Variants in NRG2 observed in about 807,000 individuals in gnomAD.
NRG2 encodes the protein pro-neuregulin-2, membrane-bound isoform.
A neutral mutation model predicts 73.9 loss-of-function variants in NRG2; 27 were observed. That is an observed-to-expected ratio of 0.37 (90% confidence interval 0.27 to 0.50). The LOEUF is 0.50. Ranked by LOEUF, NRG2 falls within the 20% of genes least tolerant of loss-of-function variation. The pLI is 0.96. For synonymous variants in NRG2, 532 were observed against 541.0 expected, an observed-to-expected ratio of 0.98 and a Z score of 0.23; for missense variants, 1,126 against 1,210.1, an observed-to-expected ratio of 0.93 and a Z score of 1.03.
At chr5:140,017,686 T>G (rs900181801) in intron 1 of NRG2, among the ~76,000 whole-genome samples, 1 of 152,070 alleles carries the variant, frequency 6.6e-6, no homozygotes, top group Non-Finnish European at 1.5e-5. Context: ...AGCAGACAAA[T>G]GCATATGAGA....
chr5:140,021,693 A>G (rs1760240890), intron 1 of NRG2, among the ~76,000 whole-genome samples: 1 of 152,246 alleles, frequency 6.6e-6, no homozygotes, highest in African/African-American at 2.4e-5. Context: ...AACAAGGACA[A>G]TGAGAACTTG....
At chr5:139,973,143 A>C (rs1009036728) in intron 1 of NRG2, among the ~76,000 whole-genome samples, 2 of 140,244 alleles carry the variant, frequency 1.4e-5, no homozygotes, top group Admixed American at 1.4e-4. Context: ...CATCCTAAAG[A>C]AGTAAGAATA....
At chr5:139,867,362 G>T (rs1373610273) in intron 4 of NRG2, among the ~76,000 whole-genome samples, 1 of 152,016 alleles carries the variant, frequency 6.6e-6, no homozygotes, top group Admixed American at 6.5e-5. Context: ...GGGCTGGGAA[G>T]TGTATCAGGG....
intron 1 of NRG2, among the ~76,000 whole-genome samples, chr5:139,998,291 C>G (rs1443720901): frequency 6.6e-6 from 1 of 152,142 alleles, no homozygotes; most frequent in Non-Finnish European, 1.5e-5. Context: ...AAGAGCAGGT[C>G]AGAATATTGT....
chr5:139,879,974 G>T lies in NRG2; in HGVS notation c.991+882C>A, dbSNP rs571090530. On this transcript the variant is annotated intron_variant, in intron 3 of 9. Transcript: ENST00000361474. ...CAAGTAGTCTTTTAGACCATGCTAG[G>T]TTTAGGGCATATTGGGAGGCTGTCT... Among the ~76,000 whole-genome samples the T allele has an allele frequency of 3.3e-5, 5 of 152,270 alleles. No individual in the cohort carries two copies. In the East Asian group the frequency reaches 9.7e-4, roughly 29 times the overall value.
chr5:139,907,109 GGT>G lies in NRG2; in HGVS notation c.701-19600_701-19599del, dbSNP rs1425159163. Among the ~76,000 whole-genome samples, 14 of 152,142 alleles carry G rather than the reference GGT, an allele frequency of 9.2e-5. 3 individuals carry two copies. Among genetic ancestry groups the G allele is most frequent in the African/African-American group, 3.1e-4 (13 of 41,508 alleles). ...CATATGAGTGTATGCCTGTGTCTAAGGTGTGTGTGTGTACACGTGGGGTTTGT... is the reference window on the plus strand; with the variant it reads ...CATATGAGTGTATGCCTGTGTCTAAGGTGTGTGTGTACACGTGGGGTTTGT... On this transcript the variant is annotated intron_variant, in intron 1 of 9. Transcript: ENST00000361474.
intron 1 of NRG2, among the ~76,000 whole-genome samples, chr5:140,004,767 G>A (rs1342404661): frequency 6.6e-6 from 1 of 152,126 alleles, no homozygotes; most frequent in Non-Finnish European, 1.5e-5. Context: ...GGAACAGAAA[G>A]GACACAAATA....
chr5:139,982,799 G>C (rs1006867083), intron 1 of NRG2, among the ~76,000 whole-genome samples: 1 of 152,178 alleles, frequency 6.6e-6, no homozygotes, highest in African/African-American at 2.4e-5. Flanking sequence ...CAGATCTTTT[G>C]TGTCGTACTC....
chr5:140,034,181 C>T (rs1308055886), intron 1 of NRG2, among the ~76,000 whole-genome samples: 1 of 152,108 alleles, frequency 6.6e-6, no homozygotes, highest in African/African-American at 2.4e-5. Context: ...AGGATGGTCT[C>T]GATCTCCTGA....
chr5:139,892,545 A>G (rs1033999159), intron 1 of NRG2, among the ~76,000 whole-genome samples: 1 of 152,068 alleles, frequency 6.6e-6, no homozygotes, highest in African/African-American at 2.4e-5. Flanking sequence ...ACTGGGCTAG[A>G]TCGGCCCCTC....
rs1761545511 is a variant in NRG2, at chr5:139,852,845, C to A, written c.1416+59G>T. ...TGCCCTGGCCCATCCTTGCAGGGGG[C>A]ATGAGAAGGCTGGCTGTCCACTGAG... is the stretch of plus-strand genomic sequence containing the variant. On this transcript the variant is annotated intron_variant, in intron 7 of 9. Transcript: ENST00000361474. This position sits in a 1 kb window ranked among gnomAD's most constrained non-coding sequence, Gnocchi z 4.4. 1 of 1,606,430 alleles carries A rather than the reference C, an allele frequency of 6.2e-7. No individual in the cohort carries two copies. The highest frequency in any genetic ancestry group is 8.5e-7 in the Non-Finnish European group (1 of 1,178,118).
chr5:139,869,839 C>T lies in NRG2; in HGVS notation c.1112+1882G>A, dbSNP rs1288229579. 6.6e-6 allele frequency: 1 copy of T among 152,448 alleles called. No homozygotes were observed. Among genetic ancestry groups the T allele is most frequent in the Non-Finnish European group, 1.5e-5 (1 of 68,230 alleles). The allele number at this position is 152,448 out of a possible 1,614,324, so 9.4% of individuals were successfully genotyped here. A position where few individuals can be genotyped will look rare whatever the true frequency, so the allele number is the denominator to read the frequency against. ...GGGGTGCAACCTTGCTGGCAGGGCCCTCCTGGAGCCCACATATCTCACCAC... is the reference window on the plus strand; with the variant it reads ...GGGGTGCAACCTTGCTGGCAGGGCCTTCCTGGAGCCCACATATCTCACCAC... On this transcript the variant is annotated intron_variant, in intron 4 of 9. Transcript: ENST00000361474. This position sits in a 1 kb window ranked among gnomAD's most constrained non-coding sequence, Gnocchi z 4.5.
At chr5:139,871,626 T>C in intron 4 of NRG2, 95 bp downstream of exon 4, 1 of 1,525,438 alleles carries the variant, frequency 6.6e-7, no homozygotes, top group Middle Eastern at 1.9e-4. Flanking sequence ...CTCTTGTCAG[T>C]GGCTTGGAAC....
chr5:139,886,928 T>C lies in NRG2; in HGVS notation c.872+412A>G, dbSNP rs542702801. Among the ~76,000 whole-genome samples the C allele has an allele frequency of 1.6e-4, 25 of 152,298 alleles. No homozygotes were observed. In the South Asian group the frequency reaches 5.2e-3, roughly 32 times the overall value. On this transcript the variant is annotated intron_variant, in intron 2 of 9. Transcript: ENST00000361474. ...CTTGCTAAGCTGAGAAACCAGCCCA[T>C]CATGTGTGACCTCCCAGAGGCATTC...
chr5:139,934,213 A>G (rs958798672), intron 1 of NRG2, among the ~76,000 whole-genome samples: 3 of 152,246 alleles, frequency 2.0e-5, no homozygotes, highest in Non-Finnish European at 4.4e-5. Flanking sequence ...AATAATTAAA[A>G]GAAAACATTT....
At chr5:140,037,764 C>T (rs751297185) in intron 1 of NRG2, among the ~76,000 whole-genome samples, 13 of 151,932 alleles carry the variant, frequency 8.6e-5, no homozygotes, top group Non-Finnish European at 1.6e-4. Flanking sequence ...AAAAATTAAT[C>T]GGGCGCGGTG....
rs1273968313 is a variant in NRG2, at chr5:139,865,641, G to C, written c.1113-16C>G. ...ATTTGGACATCTGGAGAAGGAAAAG[G>C]GGAAAAATCACAGAACAAACTGGCA... On this transcript the variant is annotated splice_polypyrimidine_tract_variant and intron_variant, in intron 4 of 9. Transcript: ENST00000361474. The surrounding 1 kb of genome is among the most constrained non-coding windows in gnomAD (Gnocchi z 5.2). 1.3e-6 allele frequency: 2 copies of C among 1,599,034 alleles called. No individual in the cohort carries two copies. The highest frequency in any genetic ancestry group is 4.5e-5 in the East Asian group (2 of 44,774).
At chr5:139,970,970 T>G (rs1755924348) in intron 1 of NRG2, among the ~76,000 whole-genome samples, 1 of 152,148 alleles carries the variant, frequency 6.6e-6, no homozygotes, top group Non-Finnish European at 1.5e-5. Flanking sequence ...TTTTTCCCCT[T>G]GAGCTTTGAA....
intron 1 of NRG2, among the ~76,000 whole-genome samples, chr5:139,960,732 C>A (rs1754996648): frequency 1.3e-5 from 2 of 152,308 alleles, no homozygotes; most frequent in South Asian, 2.1e-4. Flanking sequence ...TCAACATTGA[C>A]AACTTAGGGA....
Sources: gnomAD v4.1 joint callset for allele counts (sites outside exome capture counted in the v4.1 genomes callset) on GRCh38, gnomAD v4.1.1 for gene constraint, Gnocchi (gnomAD v3.1) non-coding constraint, MANE v1.5 for transcripts, NCBI Gene and HGNC (gene_info 2026-07-23, HGNC 2026-07-21) for gene names.